Variants in ADGRG2 observed in about 807,000 individuals in gnomAD.
ADGRG2 encodes G protein-coupled receptor 64.
Under a neutral mutation model 74.1 loss-of-function variants are expected in ADGRG2, and 26 were observed. The ratio of observed to expected loss-of-function variants is 0.35; its 90% CI spans 0.26 to 0.49. The LOEUF (loss-of-function observed/expected upper bound fraction) is 0.49, where lower values mean the gene tolerates loss of function less well. Ranked by LOEUF, ADGRG2 falls within the 20% of genes least tolerant of loss-of-function variation. The pLI is 0.99. For missense variants in ADGRG2, 619 were observed against 763.1 expected, an observed-to-expected ratio of 0.81 and a Z score of 2.22; for synonymous variants, 296 against 295.2, an observed-to-expected ratio of 1.00 and a Z score of -0.03.
chrX:19,112,327 C>G (rs1282923021), intron 1 of ADGRG2, among the ~76,000 whole-genome samples: 2 of 110,865 alleles, frequency 1.8e-5, no homozygotes, highest in African/African-American at 6.6e-5. Context: ...TCCAAGTAAG[C>G]CTCCCAAAGT....
At chrX:19,051,647 A>T (rs138473212) in intron 3 of ADGRG2, among the ~76,000 whole-genome samples, 38 of 112,015 alleles carry the variant, frequency 3.4e-4, no homozygotes, top group Non-Finnish European at 3.0e-4. Context: ...AAAAGGCAAC[A>T]GAGCTTCTGC....
At chrX:19,026,702 G>A (rs778228787) in intron 11 of ADGRG2, among the ~76,000 whole-genome samples, 12 of 110,518 alleles carry the variant, frequency 1.1e-4, no homozygotes, top group African/African-American at 1.6e-4. Context: ...CACCATGTTC[G>A]CCAGGCTAGT....
chrX:19,002,817 A>G (rs779688999), intron 24 of ADGRG2, 29 bp downstream of exon 24: 1 of 1,185,263 alleles, frequency 8.4e-7, no homozygotes, highest in Admixed American at 2.2e-5. Context: ...GAGAAAGTCC[A>G]GGCAACATGC....
At chrX:19,035,867 C>A in intron 7 of ADGRG2, 75 bp downstream of exon 7, 1 of 541,089 alleles carries the variant, frequency 1.8e-6, no homozygotes. Flanking sequence ...CTTTAGTAAC[C>A]CAGTAGACTG....
rs764768926 is a variant in ADGRG2, at chrX:19,036,027, CAT to C, written c.227-52_227-51del. The C allele has an allele frequency of 2.6e-4, 158 of 606,962 alleles. No individual in the cohort carries two copies. In the African/African-American group the frequency reaches 3.2e-3, roughly 12 times the overall value. The allele number at this position is 606,962 out of a possible 1,213,427, so 50.0% of individuals were successfully genotyped here. On this transcript the variant is annotated intron_variant, in intron 6 of 28. Transcript: ENST00000379869. Reference sequence around the variant, plus strand: ...CATAACTACTGGCATGGTTTACAAACATGTGTGTCTTCCTAGGTTCCTTAAAC... The same window carrying C: ...CATAACTACTGGCATGGTTTACAAACGTGTGTCTTCCTAGGTTCCTTAAAC...
At chrX:19,016,690 C>T (rs1228947544) in intron 15 of ADGRG2, among the ~76,000 whole-genome samples, 1 of 65,282 alleles carries the variant, frequency 1.5e-5, no homozygotes, top group Admixed American at 2.3e-4. Context: ...TGCTATCCCT[C>T]CCCCCTCCCC....
At chrX:19,031,369 T>C in intron 8 of ADGRG2, 1 of 195,184 alleles carries the variant, frequency 5.1e-6, no homozygotes, top group Admixed American at 7.1e-5. Flanking sequence ...GTAGAGACTT[T>C]AAATGGAATG....
chrX:19,030,931 T>G, intron 9 of ADGRG2, 53 bp downstream of exon 9: 1 of 832,394 alleles, frequency 1.2e-6, no homozygotes, highest in African/African-American at 2.0e-5. Context: ...GTGAACCATT[T>G]ATCTCTATGG....
rs750601726 is a variant in ADGRG2, at chrX:19,110,021, GACA to G, written c.-47+12418_-47+12420del. ...ACACAAGAATGTACTCTTGGGGAAA[GACA>G]ACAAGAGGACATTTAGTGAGTATCT... is the stretch of plus-strand genomic sequence containing the variant. On this transcript the variant is annotated intron_variant, in intron 1 of 28. Transcript: ENST00000379869. Among the ~76,000 whole-genome samples the G allele has an allele frequency of 2.6e-4, 29 of 112,093 alleles. No individual in the cohort carries two copies. In the East Asian group the frequency reaches 7.3e-3, roughly 28 times the overall value.
At chrX:19,079,820 C>G (rs965966731) in intron 2 of ADGRG2, among the ~76,000 whole-genome samples, 1 of 111,696 alleles carries the variant, frequency 9.0e-6, no homozygotes, top group African/African-American at 3.2e-5. Context: ...CAATATCAGA[C>G]GTGCAAGATT....
chrX:19,013,586 G>C, intron 16 of ADGRG2, 100 bp downstream of exon 16: 1 of 736,691 alleles, frequency 1.4e-6, no homozygotes, highest in Admixed American at 3.4e-5. Flanking sequence ...CGAAAGGAAA[G>C]CTCTAGAAAT....
chrX:19,000,750 A>C (rs111767705), intron 24 of ADGRG2, among the ~76,000 whole-genome samples: 38 of 45,716 alleles, frequency 8.3e-4, no homozygotes, highest in African/African-American at 1.2e-3. Flanking sequence ...CCCACCCCCC[A>C]CCCGGCCCCC....
At chrX:19,064,736 A>T (rs753189319) in intron 3 of ADGRG2, among the ~76,000 whole-genome samples, 1 of 112,459 alleles carries the variant, frequency 8.9e-6, no homozygotes, top group East Asian at 2.8e-4. Context: ...CATAGTATAG[A>T]GGTCCAACAT....
intron 3 of ADGRG2, among the ~76,000 whole-genome samples, chrX:19,044,389 T>C (rs764052736): frequency 6.2e-4 from 69 of 111,752 alleles, no homozygotes; most frequent in African/African-American, 2.2e-3. Context: ...TAAGAGCTAT[T>C]AGGCCCACCC....
At chrX:19,102,407 T>C (rs142289088) in intron 1 of ADGRG2, among the ~76,000 whole-genome samples, 70 of 110,372 alleles carry the variant, frequency 6.3e-4, no homozygotes, top group African/African-American at 2.3e-3. Context: ...TCCTCTTTAG[T>C]ACTCTTTGTG....
intron 1 of ADGRG2, among the ~76,000 whole-genome samples, chrX:19,097,812 G>A (rs1029027524): frequency 1.2e-4 from 13 of 112,341 alleles, no homozygotes; most frequent in African/African-American, 3.9e-4. Context: ...TAGGCACTAC[G>A]GGAGGTGCTA....
intron 26 of ADGRG2, among the ~76,000 whole-genome samples, chrX:18,996,562 TC>T (rs2060022659): frequency 9.2e-6 from 1 of 109,128 alleles, no homozygotes; most frequent in East Asian, 2.9e-4. Flanking sequence ...TGCCATCTCC[TC>T]CACACATCTT....
At chrX:19,073,201 T>C (rs1313453853) in intron 2 of ADGRG2, among the ~76,000 whole-genome samples, 4 of 112,337 alleles carry the variant, frequency 3.6e-5, no homozygotes, top group Non-Finnish European at 5.6e-5. Context: ...TTTACAGCAA[T>C]GCAAGAACAG....
rs146339725 is a variant in ADGRG2, at chrX:19,046,386, C to A, written c.119-6162G>T. The stretch of plus-strand genomic sequence containing the variant: ...GTATTCATTGACTACGCCCTTCTTT[C>A]ACTTGGCATTTGGAAAGATGTCATT... On this transcript the variant is annotated intron_variant, in intron 3 of 28. Transcript: ENST00000379869. Among the ~76,000 whole-genome samples the A allele has an allele frequency of 2.4e-3, 265 of 112,273 alleles. 1 individual carries two copies. The highest frequency in any genetic ancestry group is 8.1e-3 in the African/African-American group (252 of 30,947).
Sources: allele counts gnomAD v4.1 joint callset (sites outside exome capture counted in the v4.1 genomes callset), GRCh38; gene constraint gnomAD v4.1.1; transcripts MANE v1.5; gene names NCBI Gene and HGNC (gene_info 2026-07-23, HGNC 2026-07-21).